The following RYR2 variants were observed in gnomAD, a reference collection of about 807,000 sequenced individuals.
The protein encoded by RYR2 is cardiac muscle ryanodine receptor-calcium release channel.
In RYR2, 227 loss-of-function variants were observed where a neutral mutation model predicts 601.1. The observed-to-expected ratio is 0.38, with a 90% confidence interval of 0.34 to 0.42. The LOEUF is 0.42. RYR2 is among the 10% of genes least tolerant of loss of function. The probability of loss-of-function intolerance (pLI) is 1.00; values close to 1 mark genes in which losing one functional copy is unlikely to be tolerated. For synonymous variants in RYR2, 2,223 were observed against 2,175.1 expected (o/e 1.02, Z -0.61); for missense variants, 4,646 against 6,156.5 (o/e 0.75, Z 8.21).
chr1:237,458,695 A>G (rs1659122892), intron 16 of RYR2, among the ~76,000 whole-genome samples: 1 of 152,128 alleles, frequency 6.6e-6, no homozygotes, highest in Non-Finnish European at 1.5e-5. Context: ...CTGATAAAAT[A>G]GGAAAGCATA....
chr1:237,749,007 T>G (rs1250584498), intron 80 of RYR2, among the ~76,000 whole-genome samples: 1 of 152,184 alleles, frequency 6.6e-6, no homozygotes, highest in Non-Finnish European at 1.5e-5. Context: ...GTGCAAACAC[T>G]ATAACATTTT....
At chr1:237,760,667 A>G (rs961339564) in intron 83 of RYR2, among the ~76,000 whole-genome samples, 7 of 152,242 alleles carry the variant, frequency 4.6e-5, no homozygotes, top group African/African-American at 1.7e-4. Flanking sequence ...AATTATTAGA[A>G]TTTTATTTCT....
intron 2 of RYR2, among the ~76,000 whole-genome samples, chr1:237,272,767 A>G (rs1344486739): frequency 6.6e-6 from 1 of 152,000 alleles, no homozygotes; most frequent in Non-Finnish European, 1.5e-5. Flanking sequence ...ATGAAAGAGC[A>G]ACATACATTC....
intron 73 of RYR2, among the ~76,000 whole-genome samples, chr1:237,722,882 G>T (rs535033252): frequency 8.4e-6 from 1 of 118,884 alleles, no homozygotes; most frequent in South Asian, 2.8e-4. Context: ...TGTGCTAAGA[G>T]CTCCTGGAAT....
At chr1:237,556,058 T>C (rs1670842704) in intron 27 of RYR2, among the ~76,000 whole-genome samples, 1 of 152,150 alleles carries the variant, frequency 6.6e-6, no homozygotes, top group Non-Finnish European at 1.5e-5. Context: ...TAAGAAGTTA[T>C]TCTGATGACA....
At position 237,451,132 on chromosome 1, in the gene RYR2, C is replaced by T. The variant is rs186108013; in HGVS notation, c.1293-3259C>T. 5.3e-5 allele frequency among the ~76,000 whole-genome samples: 8 copies of T among 152,192 alleles called. No individual in the cohort carries two copies. In the East Asian group the frequency reaches 7.7e-4, roughly 15 times the overall value. ...ATTTAGGCTGGGCACGGTAGTGACT[C>T]GCACCTATAATCCCAGCACTTTGGG... On this transcript the variant is annotated intron_variant, in intron 14 of 104. Transcript: ENST00000366574.
chr1:237,730,879 G>A (rs1690620733), intron 77 of RYR2, among the ~76,000 whole-genome samples: 2 of 152,096 alleles, frequency 1.3e-5, no homozygotes, highest in Admixed American at 6.6e-5. Flanking sequence ...GCACAGAACA[G>A]CAGTCAGTAT....
At chr1:237,226,914 G>A (rs1684426822) in intron 1 of RYR2, among the ~76,000 whole-genome samples, 1 of 151,990 alleles carries the variant, frequency 6.6e-6, no homozygotes, top group African/African-American at 2.4e-5. Flanking sequence ...GGTTACAGGT[G>A]TGCACCACTA....
intron 10 of RYR2, among the ~76,000 whole-genome samples, chr1:237,409,741 A>G (rs557570997): frequency 6.6e-6 from 1 of 152,254 alleles, no homozygotes; most frequent in Admixed American, 6.5e-5. Flanking sequence ...ACTTCCCTGC[A>G]TTGCAGTAAC....
chr1:237,056,434 G>A (rs1464580154), intron 1 of RYR2, among the ~76,000 whole-genome samples: 2 of 143,574 alleles, frequency 1.4e-5, no homozygotes, highest in African/African-American at 5.2e-5. Flanking sequence ...GTGAGGATTG[G>A]AGCACTGCAA....
At chr1:237,043,103 C>A (rs958370862) in intron 1 of RYR2, among the ~76,000 whole-genome samples, 3 of 152,196 alleles carry the variant, frequency 2.0e-5, no homozygotes, top group Admixed American at 2.0e-4. Context: ...GTGTAGCGTG[C>A]GGCGCAGCTG....
At chr1:237,086,296 A>G (rs12058831) in intron 1 of RYR2, among the ~76,000 whole-genome samples, 3,486 of 152,228 alleles carry the variant, frequency 0.023, 104 homozygotes, top group African/African-American at 0.071. Context: ...TCCTCCATGT[A>G]TCTGTGTCCT....
At chr1:237,605,653 T>C (rs900391740) in intron 35 of RYR2, among the ~76,000 whole-genome samples, 2 of 151,926 alleles carry the variant, frequency 1.3e-5, no homozygotes, top group African/African-American at 2.4e-5. Flanking sequence ...GACATAATTG[T>C]ATATTTAGAA....
chr1:237,215,899 A>G (rs1683105128), intron 1 of RYR2, among the ~76,000 whole-genome samples: 1 of 152,194 alleles, frequency 6.6e-6, no homozygotes, highest in African/African-American at 2.4e-5. Flanking sequence ...TTTTTACTAC[A>G]TTCTAGTAAT....
rs76916405 is a variant in RYR2, at chr1:237,654,777, A to T, written c.7965+363A>T. Among the ~76,000 whole-genome samples, 346 of 152,340 alleles carry T rather than the reference A, an allele frequency of 2.3e-3. 2 individuals are homozygous for T. The highest frequency in any genetic ancestry group is 6.8e-3 in the Middle Eastern group (2 of 294). On this transcript the variant is annotated intron_variant, in intron 52 of 104. Coordinates refer to ENST00000366574, the MANE Select transcript of RYR2 (RefSeq NM_001035.3). ...TATATCCAATATAAAAATACAAAAC[A>T]TGAAATCTTATGTAATTGTAATATC...
At chr1:237,654,163 CA>C in intron 51 of RYR2, 110 bp from the exon 52 acceptor site, 1 of 1,321,026 alleles carries the variant, frequency 7.6e-7, no homozygotes, top group Non-Finnish European at 1.0e-6. Flanking sequence ...TGGGCAATTT[CA>C]CTTCAGATGA....
intron 80 of RYR2, among the ~76,000 whole-genome samples, chr1:237,744,522 A>G (rs1044854080): frequency 9.2e-5 from 14 of 151,746 alleles, no homozygotes; most frequent in Non-Finnish European, 1.6e-4. Flanking sequence ...CGGGCGTGGT[A>G]GTGCACGCCT....
intron 33 of RYR2, among the ~76,000 whole-genome samples, chr1:237,594,516 G>C (rs1327983662): frequency 9.2e-5 from 14 of 152,068 alleles, no homozygotes; most frequent in Admixed American, 8.5e-4. Context: ...TATTTTTTGG[G>C]GGCCATGCTT....
intron 1 of RYR2, among the ~76,000 whole-genome samples, chr1:237,171,339 A>G (rs114411755): frequency 3.3e-5 from 5 of 152,152 alleles, no homozygotes; most frequent in Non-Finnish European, 5.9e-5. Flanking sequence ...TTGCTAAATG[A>G]TTGATACAGA....
Sources: allele counts gnomAD v4.1 joint callset (sites outside exome capture counted in the v4.1 genomes callset), GRCh38; gene constraint gnomAD v4.1.1; transcripts MANE v1.5; gene names NCBI Gene and HGNC (gene_info 2026-07-23, HGNC 2026-07-21).